UBXN2A: variants seen among roughly 807,000 people sequenced by gnomAD.
The protein encoded by UBXN2A is UBX domain-containing protein 2A.
Under a neutral mutation model 28.4 loss-of-function variants are expected in UBXN2A, and 28 were observed. That is an observed-to-expected ratio of 0.99 (90% CI 0.73 to 1.35). The LOEUF is 1.35. UBXN2A is among the 40% of genes most tolerant of loss of function. UBXN2A has a pLI of 0.00. For synonymous variants in UBXN2A, 97 were observed against 103.6 expected, an observed-to-expected ratio of 0.94 and a Z score of 0.39; for missense variants, 253 against 297.9, an observed-to-expected ratio of 0.85 and a Z score of 1.11.
At chr2:23,992,214 C>T (rs1449353660) in intron 6 of UBXN2A, among the ~76,000 whole-genome samples, 1 of 151,928 alleles carries the variant, frequency 6.6e-6, no homozygotes, top group Non-Finnish European at 1.5e-5. Context: ...TCATGATCCT[C>T]CTGCCTCGGC....
chr2:23,959,230 G>A (rs1384818413), intron 2 of UBXN2A, among the ~76,000 whole-genome samples: 5 of 152,080 alleles, frequency 3.3e-5, no homozygotes, highest in Admixed American at 6.6e-5. Context: ...AGTGGCTCAC[G>A]CCTGTAATCT....
At position 24,001,479 on chromosome 2, in the gene UBXN2A, A is replaced by G. The variant is rs975265932; in HGVS notation, c.*1612A>G. On this transcript the variant is annotated 3_prime_UTR_variant, in exon 7 of 7. Transcript: ENST00000309033. ...TAACATTTTTTTTTGCAAATGATCT[A>G]TTGAATCAGATTTAAAATGAAGCAT... The G allele has an allele frequency of 2.6e-5, 4 of 152,072 alleles. No homozygotes were observed. Among genetic ancestry groups the G allele is most frequent in the Admixed American group, 6.6e-5 (1 of 15,246 alleles). The allele number at this position is 152,072 out of a possible 1,614,324, so 9.4% of individuals were successfully genotyped here.
intron 1 of UBXN2A, among the ~76,000 whole-genome samples, chr2:23,931,265 G>GTAGA (rs1471347168): frequency 6.6e-6 from 1 of 152,146 alleles, no homozygotes; most frequent in African/African-American, 2.4e-5. Flanking sequence ...TGGCCAACAT[G>GTAGA]ACGAAACCCC....
In UBXN2A at chr2:23,958,296, TA is replaced by T; in HGVS notation, c.-14-4del. The T allele has an allele frequency of 6.3e-7, 1 of 1,592,424 alleles. No individual in the cohort carries two copies. Among genetic ancestry groups the T allele is most frequent in the Non-Finnish European group, 8.5e-7 (1 of 1,172,762 alleles). ...TTTTTACTTACTTTCTTTGTACTTT[TA>T]CAGTAAGGCGAAAGAGAATGAAAGA... On this transcript the variant is annotated splice_region_variant and splice_polypyrimidine_tract_variant and intron_variant, in intron 1 of 6. Coordinates refer to ENST00000309033, the MANE Select transcript of UBXN2A (RefSeq NM_181713.4).
At chr2:23,956,623 G>A (rs896909569) in intron 1 of UBXN2A, among the ~76,000 whole-genome samples, 2 of 152,162 alleles carry the variant, frequency 1.3e-5, no homozygotes, top group Non-Finnish European at 2.9e-5. Flanking sequence ...AAAGTGCTGG[G>A]ATTACAGACG....
At chr2:23,978,528 C>G (rs184397556) in intron 4 of UBXN2A, among the ~76,000 whole-genome samples, 3,962 of 152,008 alleles carry the variant, frequency 0.026, 177 homozygotes, top group African/African-American at 0.091. Flanking sequence ...CCTGTAGTCC[C>G]AGCTACTTGG....
chr2:23,928,195 A>G (rs919503192), intron 1 of UBXN2A, among the ~76,000 whole-genome samples: 3 of 151,244 alleles, frequency 2.0e-5, no homozygotes, highest in Admixed American at 6.6e-5. Context: ...AAAAAGAAGA[A>G]AGAGAGAGAG....
chr2:23,958,150 A>G (rs914936787), intron 1 of UBXN2A, among the ~76,000 whole-genome samples, 151 bp from the exon 2 acceptor site: 1 of 152,166 alleles, frequency 6.6e-6, no homozygotes, highest in Non-Finnish European at 1.5e-5. Context: ...ATTTTCTATC[A>G]TTGCTTTATT....
rs763697656 is a variant in UBXN2A, at chr2:23,999,771, T to A, written c.684T>A (p.Asp228Glu). 4 of 1,614,194 alleles carry A rather than the reference T, an allele frequency of 2.5e-6. No individual in the cohort carries two copies. The highest frequency in any genetic ancestry group is 2.5e-6 in the Non-Finnish European group (3 of 1,180,032). The stretch of plus-strand genomic sequence containing the variant: ...CTCTTCCTGTCCTCAGGTTGCTAGA[T>A]GAGACACTCACACTGGAAGAAGCAG... ...ATALPVLRLL[D>E]ETLTLEEADL... Residue 228 changes from aspartate (D) to glutamate (E), a missense_variant, in exon 7 of 7, where the codon GAT becomes GAA. Physicochemically the swap from Asp to Glu is conservative, Grantham distance 45. Coordinates refer to ENST00000309033, the MANE Select transcript of UBXN2A (RefSeq NM_181713.4).
upstream of UBXN2A, among the ~76,000 whole-genome samples, chr2:23,939,985 C>T (rs1573526233): frequency 6.6e-6 from 1 of 152,032 alleles, no homozygotes; most frequent in East Asian, 1.9e-4. Context: ...TGGCAGGCGC[C>T]TGTAATCCCA....
intron 4 of UBXN2A, 59 bp downstream of exon 4, chr2:23,977,134 C>A: frequency 1.5e-6 from 2 of 1,374,992 alleles, no homozygotes; most frequent in Non-Finnish European, 1.0e-6. Context: ...CAGGCTGTGG[C>A]GAGAGGATTG....
chr2:23,997,762 A>G (rs1376188804), intron 6 of UBXN2A, among the ~76,000 whole-genome samples: 1 of 146,330 alleles, frequency 6.8e-6, no homozygotes, highest in East Asian at 2.1e-4. Context: ...GCCTTTATAT[A>G]TTGCATTTGT....
intron 5 of UBXN2A, among the ~76,000 whole-genome samples, chr2:23,983,434 G>T (rs1201960282): frequency 6.6e-6 from 1 of 152,054 alleles, no homozygotes; most frequent in Non-Finnish European, 1.5e-5. Flanking sequence ...TTGAACCTGG[G>T]AGGCAGAGAT....
chr2:23,976,101 C>G (rs1216302112), intron 3 of UBXN2A, among the ~76,000 whole-genome samples: 1 of 152,220 alleles, frequency 6.6e-6, no homozygotes, highest in Non-Finnish European at 1.5e-5. Flanking sequence ...CCTTCCCCCT[C>G]TCCTCAGATC....
intron 6 of UBXN2A, among the ~76,000 whole-genome samples, chr2:23,986,037 G>A (rs550521346): frequency 7.2e-5 from 11 of 151,932 alleles, no homozygotes; most frequent in South Asian, 2.1e-4. Context: ...GGCCGGGCAC[G>A]GTGGCTCACA....
chr2:23,930,866 A>T (rs1294722025), intron 1 of UBXN2A, among the ~76,000 whole-genome samples: 1 of 151,886 alleles, frequency 6.6e-6, no homozygotes, highest in Non-Finnish European at 1.5e-5. Context: ...AAATTAAAAT[A>T]AAATTTAAAA....
chr2:23,994,372 A>G (rs1708456122), intron 6 of UBXN2A, among the ~76,000 whole-genome samples: 1 of 152,114 alleles, frequency 6.6e-6, no homozygotes, highest in African/African-American at 2.4e-5. Flanking sequence ...CTTGGCCAGT[A>G]TTGATGGAAA....
chr2:23,956,287 G>A (rs893043910), intron 1 of UBXN2A, among the ~76,000 whole-genome samples: 4 of 151,888 alleles, frequency 2.6e-5, no homozygotes, highest in African/African-American at 7.3e-5. Flanking sequence ...CAGATTTACC[G>A]AATGGGAGCC....
At chr2:23,944,293 A>C (rs1418400182) in intron 1 of UBXN2A, 7 of 1,605,030 alleles carry the variant, frequency 4.4e-6, no homozygotes, top group East Asian at 2.2e-5. Context: ...CAGCTATACC[A>C]GTCTGGAGTG....
Sources: gnomAD v4.1 joint callset for allele counts (sites outside exome capture counted in the v4.1 genomes callset) on GRCh38, gnomAD v4.1.1 for gene constraint, MANE v1.5 for transcripts, NCBI Gene and HGNC (gene_info 2026-07-23, HGNC 2026-07-21) for gene names.